Variants in LIX1 observed in about 807,000 individuals in gnomAD.
LIX1 encodes protein limb expression 1 homolog.
LIX1 carries 24 observed loss-of-function variants against 33.4 expected under a neutral mutation model. That is an observed-to-expected ratio of 0.72 (90% CI 0.52 to 1.01). The LOEUF is 1.01. Ranked by LOEUF, LIX1 falls within the 50% of genes least tolerant of loss-of-function variation. The pLI is 0.00. For synonymous variants in LIX1, 124 were observed against 124.0 expected (o/e 1.00, Z 0.00); for missense variants, 311 against 339.2 (o/e 0.92, Z 0.65).
At chr5:97,140,658 C>G (rs1748267919) in intron 1 of LIX1, among the ~76,000 whole-genome samples, 1 of 152,182 alleles carries the variant, frequency 6.6e-6, no homozygotes, top group Admixed American at 6.5e-5. Flanking sequence ...GCAGCCCATT[C>G]CCACTTATTC....
intron 2 of LIX1, among the ~76,000 whole-genome samples, chr5:97,110,421 G>T (rs61187861): frequency 0.013 from 1,954 of 152,234 alleles, 47 homozygotes; most frequent in African/African-American, 0.04. Context: ...AATAAAGAGT[G>T]ATTTATTTAT....
intron 5 of LIX1, among the ~76,000 whole-genome samples, chr5:97,095,294 G>A (rs768722822): frequency 4.7e-4 from 71 of 152,180 alleles, no homozygotes; most frequent in Non-Finnish European, 7.5e-4. Flanking sequence ...ACCAAACATA[G>A]CTCTGCCATC....
At chr5:97,141,035 C>T (rs921938799) in intron 1 of LIX1, among the ~76,000 whole-genome samples, 9 of 152,240 alleles carry the variant, frequency 5.9e-5, no homozygotes, top group East Asian at 1.9e-4. Flanking sequence ...TGTAAACAAT[C>T]GCAGCAATTT....
intron 4 of LIX1, among the ~76,000 whole-genome samples, chr5:97,100,936 A>G (rs1402041901): frequency 6.7e-6 from 1 of 150,362 alleles, no homozygotes; most frequent in Non-Finnish European, 1.5e-5. Context: ...TTTTTTAAAT[A>G]AAGGAAATTA....
chr5:97,107,179 G>A lies in LIX1; in HGVS notation c.387+181C>T, dbSNP rs1018745687. Among the ~76,000 whole-genome samples the A allele has an allele frequency of 5.9e-5, 9 of 152,308 alleles. No homozygotes were observed. In the East Asian group the frequency reaches 1.7e-3, roughly 29 times the overall value. On this transcript the variant is annotated intron_variant, in intron 3 of 5. Transcript: ENST00000274382. ...AGAGATTAAAAAATATTATTGAGAT[G>A]TGTGATATTATGATTTCCAATTTAA...
At chr5:97,116,905 G>A (rs566643452) in intron 2 of LIX1, among the ~76,000 whole-genome samples, 49 of 152,268 alleles carry the variant, frequency 3.2e-4, no homozygotes, top group African/African-American at 1.2e-3. Context: ...GGAGACTCCT[G>A]TGGAGATAGT....
chr5:97,125,216 G>T (rs1291752526), intron 1 of LIX1, among the ~76,000 whole-genome samples: 1 of 152,168 alleles, frequency 6.6e-6, no homozygotes, highest in Non-Finnish European at 1.5e-5. Flanking sequence ...TGAAGACCTT[G>T]TTAAGAACAA....
chr5:97,113,608 A>G (rs1170572934), intron 2 of LIX1, among the ~76,000 whole-genome samples: 1 of 152,154 alleles, frequency 6.6e-6, no homozygotes, highest in Non-Finnish European at 1.5e-5. Flanking sequence ...AAGGTCATGC[A>G]CCTTAAGATG....
At chr5:97,110,388 C>T (rs572372423) in intron 2 of LIX1, among the ~76,000 whole-genome samples, 1 of 152,224 alleles carries the variant, frequency 6.6e-6, no homozygotes, top group East Asian at 1.9e-4. Context: ...TAAGGGCAGG[C>T]AGAAGAAGAT....
chr5:97,098,550 T>A (rs1746511867), intron 4 of LIX1, among the ~76,000 whole-genome samples: 1 of 152,180 alleles, frequency 6.6e-6, no homozygotes, highest in East Asian at 1.9e-4. Flanking sequence ...TAAAAAATAG[T>A]TATGAAAACT....
rs141989021 is a variant in LIX1, at chr5:97,141,118, G to A, written c.82+1377C>T. On this transcript the variant is annotated intron_variant, in intron 1 of 5. Transcript: ENST00000274382. Reference sequence around the variant, plus strand: ...AGTTTTCAATGGGCCAGTGAAAAACGTCCCCCCTATTTTTTTTTTAACTGC... The same window carrying A: ...AGTTTTCAATGGGCCAGTGAAAAACATCCCCCCTATTTTTTTTTTAACTGC... 2.6e-3 allele frequency among the ~76,000 whole-genome samples: 367 copies of A among 143,314 alleles called. 1 individual carries two copies. The highest frequency in any genetic ancestry group is 8.7e-3 in the African/African-American group (352 of 40,420). 94.0% of individuals were successfully genotyped at this position (143,314 alleles called of 152,430 possible). A position where few individuals can be genotyped will look rare whatever the true frequency, so the allele number is the denominator to read the frequency against.
In LIX1 at chr5:97,094,706, C is replaced by G. The variant is rs780600830; in HGVS notation, c.*42G>C. ...CTGCACTGAGATTCCTAATGTTAATCTGGCCTCTGCCATCACTGAGGGTAC... is the reference window on the plus strand; with the variant it reads ...CTGCACTGAGATTCCTAATGTTAATGTGGCCTCTGCCATCACTGAGGGTAC... On this transcript the variant is annotated 3_prime_UTR_variant, in exon 6 of 6. Coordinates refer to ENST00000274382, the MANE Select transcript of LIX1 (RefSeq NM_153234.5). 1 of 1,587,334 alleles carries G rather than the reference C, an allele frequency of 6.3e-7. No individual in the cohort carries two copies. Among genetic ancestry groups the G allele is most frequent in the Non-Finnish European group, 8.6e-7 (1 of 1,162,854 alleles).
chr5:97,102,888 A>G lies in LIX1; in HGVS notation c.483+2302T>C, dbSNP rs527689028. 497 of 348,090 alleles carry G rather than the reference A, an allele frequency of 1.4e-3. 2 individuals carry two copies. Among genetic ancestry groups the G allele is most frequent in the Middle Eastern group, 0.014 (14 of 986 alleles). 21.6% of individuals were successfully genotyped at this position (348,090 alleles called of 1,614,324 possible). ...TTCATTCCATAATAAAAGAACTACA[A>G]TATTATTTGGAGGGGGAACAGGAAT... is the stretch of plus-strand genomic sequence containing the variant. On this transcript the variant is annotated intron_variant, in intron 4 of 5. Coordinates refer to ENST00000274382, the MANE Select transcript of LIX1 (RefSeq NM_153234.5).
At chr5:97,123,098 T>C (rs1452161268) in intron 2 of LIX1, among the ~76,000 whole-genome samples, 1 of 152,180 alleles carries the variant, frequency 6.6e-6, no homozygotes, top group Non-Finnish European at 1.5e-5. Context: ...CAATGGGCTT[T>C]TTAGAGAAAT....
rs1746210565 is a variant in LIX1 at position 97,094,033 on chromosome 5, TATTA to T, written c.*711_*714del. 6.6e-6 allele frequency: 1 copy of T among 152,374 alleles called. No individual in the cohort carries two copies. The highest frequency in any genetic ancestry group is 2.1e-4 in the South Asian group (1 of 4,836). The allele number at this position is 152,374 out of a possible 1,614,324, so 9.4% of individuals were successfully genotyped here. A position where few individuals can be genotyped will look rare whatever the true frequency, so the allele number is the denominator to read the frequency against. ...GATTGCAAGACTCATAAACATTGGA[TATTA>T]ATTCTTGAGGAATAAGAGTGAGGCT... On this transcript the variant is annotated 3_prime_UTR_variant, in exon 6 of 6. Coordinates refer to ENST00000274382, the MANE Select transcript of LIX1 (RefSeq NM_153234.5).
At chr5:97,115,001 AT>A in intron 2 of LIX1, among the ~76,000 whole-genome samples, 1 of 152,328 alleles carries the variant, frequency 6.6e-6, no homozygotes. Flanking sequence ...AAAGTCCTTT[AT>A]GATAGTTCTT....
chr5:97,125,273 T>C (rs937824892), intron 1 of LIX1, among the ~76,000 whole-genome samples: 16 of 152,236 alleles, frequency 1.1e-4, no homozygotes, highest in Non-Finnish European at 2.2e-4. Flanking sequence ...TAGAGCCATA[T>C]GTTTTAGATT....
chr5:97,099,395 G>A (rs1746560776), intron 4 of LIX1, among the ~76,000 whole-genome samples: 1 of 152,132 alleles, frequency 6.6e-6, no homozygotes, highest in African/African-American at 2.4e-5. Flanking sequence ...AAAATGAATG[G>A]GAAGATTGTT....
intron 2 of LIX1, among the ~76,000 whole-genome samples, chr5:97,108,725 G>A (rs1747207407): frequency 6.6e-6 from 1 of 152,074 alleles, no homozygotes; most frequent in Non-Finnish European, 1.5e-5. Context: ...ACCCCTGACT[G>A]TGCTTCTTAG....
Sources: gnomAD v4.1 joint callset for allele counts (sites outside exome capture counted in the v4.1 genomes callset) on GRCh38, gnomAD v4.1.1 for gene constraint, MANE v1.5 for transcripts, NCBI Gene and HGNC (gene_info 2026-07-23, HGNC 2026-07-21) for gene names.